The following RALGAPA1 variants were observed in gnomAD, a reference collection of about 807,000 sequenced individuals.
RALGAPA1 encodes Ral GTPase activating protein catalytic subunit alpha 1.
In RALGAPA1, 52 loss-of-function variants were observed where a neutral mutation model predicts 269.6. The observed-to-expected ratio is 0.19, with a 90% CI of 0.15 to 0.24. RALGAPA1 has a LOEUF of 0.24. Among genes scored for constraint, RALGAPA1 ranks in the 10% least tolerant of loss-of-function variants. The pLI is 1.00. For synonymous variants in RALGAPA1, 817 were observed against 1,008.3 expected (o/e 0.81, Z 3.60); for missense variants, 1,917 against 3,013.9 (o/e 0.64, Z 8.52).
chr14:35,668,284 A>G (rs1298743851), intron 26 of RALGAPA1, among the ~76,000 whole-genome samples: 1 of 152,186 alleles, frequency 6.6e-6, no homozygotes, highest in Non-Finnish European at 1.5e-5. Flanking sequence ...GGAGTTCAAG[A>G]CCAGCCTGGC....
intron 36 of RALGAPA1, among the ~76,000 whole-genome samples, chr14:35,598,154 T>C (rs1295277374): frequency 6.6e-6 from 1 of 152,170 alleles, no homozygotes; most frequent in African/African-American, 2.4e-5. Flanking sequence ...ATTTCTTCTT[T>C]CAGTTCTATC....
At chr14:35,653,972 A>T (rs1186805658) in intron 30 of RALGAPA1, among the ~76,000 whole-genome samples, 2 of 152,218 alleles carry the variant, frequency 1.3e-5, no homozygotes, top group Non-Finnish European at 2.9e-5. Flanking sequence ...TACACATAGC[A>T]TTTAATTTTC....
chr14:35,542,785 C>T (rs1409082592), intron 41 of RALGAPA1, among the ~76,000 whole-genome samples: 3 of 152,162 alleles, frequency 2.0e-5, no homozygotes, highest in South Asian at 2.1e-4. Flanking sequence ...CTGTTACTAA[C>T]ATTCTTACAG....
chr14:35,771,594 T>A (rs914076160), intron 3 of RALGAPA1, among the ~76,000 whole-genome samples: 2 of 152,206 alleles, frequency 1.3e-5, no homozygotes, highest in Admixed American at 1.3e-4. Flanking sequence ...AGAAGGTATA[T>A]GTTTTCCTAA....
chr14:35,786,676 A>G (rs1292405682), intron 1 of RALGAPA1, among the ~76,000 whole-genome samples: 1 of 152,120 alleles, frequency 6.6e-6, no homozygotes, highest in Non-Finnish European at 1.5e-5. Context: ...ATCTCTCCAC[A>G]GTATCTCTCA....
chr14:35,549,297 A>G, intron 39 of RALGAPA1, 63 bp from the exon 40 acceptor site: 1 of 1,535,596 alleles, frequency 6.5e-7, no homozygotes, highest in Admixed American at 1.9e-5. Flanking sequence ...AATCTTATCA[A>G]AAAGGACTGC....
chr14:35,783,865 C>T (rs2075620930), intron 1 of RALGAPA1, among the ~76,000 whole-genome samples: 1 of 152,110 alleles, frequency 6.6e-6, no homozygotes, highest in South Asian at 2.1e-4. Flanking sequence ...CAATGAGATA[C>T]TACTTCTAAC....
chr14:35,677,568 GA>G (rs2065054726), intron 22 of RALGAPA1: 1 of 157,030 alleles, frequency 6.4e-6, no homozygotes, highest in Admixed American at 6.5e-5. Context: ...CTGAAAGCTT[GA>G]TTAACAAGTG....
intron 20 of RALGAPA1, 121 bp downstream of exon 20, chr14:35,684,808 C>A (rs147882308): frequency 4.1e-6 from 4 of 978,590 alleles, no homozygotes; most frequent in Non-Finnish European, 4.4e-6. Flanking sequence ...TTTTTTCTAA[C>A]GTGGGAGCCA....
Position 35,689,559 on chromosome 14 carries a change from T to C in RALGAPA1, c.2852A>G (p.Gln951Arg). The part of the protein sequence containing the change: ...STLKEYFKEN[Q>R]ENHSKNETGK... ...TGTCTCATTTTTACTATGATTTTCC[T>C]GGTTTTCCTTAAAATATTCTTTCAG... The change falls in exon 18 of 42, where the codon CAG becomes CGG. Residue 951 changes from glutamine (Q) to arginine (R), a missense_variant. Physicochemically the swap from Gln to Arg is conservative, Grantham distance 43. Transcript: ENST00000680220. 8.1e-7 allele frequency: 1 copy of C among 1,241,426 alleles called. No homozygotes were observed. The highest frequency in any genetic ancestry group is 1.0e-6 in the Non-Finnish European group (1 of 994,382). The allele number at this position is 1,241,426 out of a possible 1,614,324, so 76.9% of individuals were successfully genotyped here.
chr14:35,789,385 G>C (rs560608982), intron 1 of RALGAPA1, among the ~76,000 whole-genome samples: 14 of 152,076 alleles, frequency 9.2e-5, no homozygotes, highest in African/African-American at 3.4e-4. Flanking sequence ...CTTGAGGTCA[G>C]GAGTTCAAGA....
At chr14:35,685,292 T>C in intron 19 of RALGAPA1, 147 bp from the exon 20 acceptor site, 1 of 715,116 alleles carries the variant, frequency 1.4e-6, no homozygotes. Context: ...AAACAATCTA[T>C]GTAACTGAAT....
chr14:35,600,419 A>C (rs2059225553), intron 36 of RALGAPA1, among the ~76,000 whole-genome samples: 1 of 151,338 alleles, frequency 6.6e-6, no homozygotes, highest in African/African-American at 2.4e-5. Flanking sequence ...TTTTGGAGAG[A>C]TGGGATCTCA....
intron 13 of RALGAPA1, among the ~76,000 whole-genome samples, chr14:35,727,351 T>A (rs2070054206): frequency 7.7e-6 from 1 of 130,364 alleles, no homozygotes; most frequent in African/African-American, 2.9e-5. Flanking sequence ...ATATATAGTA[T>A]AATACTATAT....
Position 35,688,725 on chromosome 14 carries a change from T to C in RALGAPA1, c.3686A>G (p.Lys1229Arg). 6.8e-7 allele frequency: 1 copy of C among 1,470,224 alleles called. No individual in the cohort carries two copies. The highest frequency in any genetic ancestry group is 9.0e-7 in the Non-Finnish European group (1 of 1,117,318). The allele number at this position is 1,470,224 out of a possible 1,614,324, so 91.1% of individuals were successfully genotyped here. A position where few individuals can be genotyped will look rare whatever the true frequency, so the allele number is the denominator to read the frequency against. ...GGTGGTGGGAATCTCTGTGGATTCC[T>C]TCACTGTTTTGCTGCTTACTGATGC... ...GTASVSSKTV[K>R]ESTEIPTTIL... Residue 1229 changes from lysine (K) to arginine (R), a missense_variant, in exon 18 of 42, where the codon AAG (lysine) becomes AGG (arginine). Around this residue, in one of 11 missense-constraint regions of RALGAPA1, gnomAD observed 615 missense variants for 790.0 expected, o/e 0.78. Transcript: ENST00000680220.
At chr14:35,568,700 G>C (rs528750425) in intron 39 of RALGAPA1, among the ~76,000 whole-genome samples, 1 of 152,198 alleles carries the variant, frequency 6.6e-6, no homozygotes, top group South Asian at 2.1e-4. Context: ...AGCTCAGCAG[G>C]GTTCACAAAA....
At chr14:35,561,282 G>A (rs2056209581) in intron 39 of RALGAPA1, among the ~76,000 whole-genome samples, 1 of 142,776 alleles carries the variant, frequency 7.0e-6, no homozygotes, top group Non-Finnish European at 1.5e-5. Context: ...GGCATATACT[G>A]CCATTTTTGA....
At chr14:35,786,657 C>T (rs1476490309) in intron 1 of RALGAPA1, among the ~76,000 whole-genome samples, 1 of 152,050 alleles carries the variant, frequency 6.6e-6, no homozygotes, top group African/African-American at 2.4e-5. Flanking sequence ...GTTACCAAAT[C>T]CATAAAGTAT....
chr14:35,789,302 G>C (rs2075998038), intron 1 of RALGAPA1, among the ~76,000 whole-genome samples: 1 of 151,804 alleles, frequency 6.6e-6, no homozygotes, highest in Non-Finnish European at 1.5e-5. Context: ...CTCCTTATAA[G>C]AATCTAATGC....
Sources: gnomAD v4.1 joint callset for allele counts (sites outside exome capture counted in the v4.1 genomes callset) on GRCh38, gnomAD v4.1.1 for gene constraint, gnomAD v4.1.1 regional missense constraint, MANE v1.5 for transcripts, NCBI Gene and HGNC (gene_info 2026-07-23, HGNC 2026-07-21) for gene names.